Variants in PLXDC1 observed in about 807,000 individuals in gnomAD.
PLXDC1 encodes plexin domain containing 1.
Under a neutral mutation model 61.3 loss-of-function variants are expected in PLXDC1, and 39 were observed. That is an observed-to-expected ratio of 0.64 (90% CI 0.49 to 0.83). The LOEUF is 0.83. Among genes scored for constraint, PLXDC1 ranks in the 40% least tolerant of loss-of-function variants. The pLI is 0.00. For missense variants in PLXDC1, 596 were observed against 666.5 expected (o/e 0.89, Z 1.17); for synonymous variants, 212 against 254.5 (o/e 0.83, Z 1.59).
At chr17:39,144,023 A>G (rs1261403514) in intron 1 of PLXDC1, among the ~76,000 whole-genome samples, 1 of 152,206 alleles carries the variant, frequency 6.6e-6, no homozygotes, top group Admixed American at 6.5e-5. Context: ...CGGGTAGTGA[A>G]CAAGTGGAGG....
intron 2 of PLXDC1, among the ~76,000 whole-genome samples, chr17:39,121,824 T>A (rs1167678395): frequency 6.6e-6 from 1 of 152,096 alleles, no homozygotes. Context: ...GTAATAAGAA[T>A]GGGTGACCGG....
At chr17:39,098,426 G>A (rs552700167) in intron 7 of PLXDC1, among the ~76,000 whole-genome samples, 6 of 152,142 alleles carry the variant, frequency 3.9e-5, no homozygotes, top group South Asian at 2.1e-4. Context: ...TCCCTTCAGC[G>A]GTGCCCTAAC....
At chr17:39,110,722 G>A (rs763832073) in intron 2 of PLXDC1, among the ~76,000 whole-genome samples, 21 of 152,230 alleles carry the variant, frequency 1.4e-4, no homozygotes, top group South Asian at 2.1e-4. Flanking sequence ...CTGCCCAGCC[G>A]GCCCTTGCCC....
chr17:39,109,197 GC>G, intron 3 of PLXDC1, 50 bp downstream of exon 3: 3 of 1,569,164 alleles, frequency 1.9e-6, no homozygotes, highest in Admixed American at 1.8e-5. Flanking sequence ...GGGTGGTTTG[GC>G]CCCCGGCCTC....
At chr17:39,075,528 C>T (rs1909293597) in intron 11 of PLXDC1, among the ~76,000 whole-genome samples, 1 of 152,158 alleles carries the variant, frequency 6.6e-6, no homozygotes, top group Admixed American at 6.6e-5. Flanking sequence ...GGCTGTGTGA[C>T]CTTGGGAAAG....
At chr17:39,070,757 C>T (rs559422996) in intron 12 of PLXDC1, among the ~76,000 whole-genome samples, 75 of 152,304 alleles carry the variant, frequency 4.9e-4, no homozygotes, top group African/African-American at 1.8e-3. Flanking sequence ...GCAGGCAGGT[C>T]ACCTGAGGTC....
chr17:39,115,026 T>A (rs115715278), intron 2 of PLXDC1, among the ~76,000 whole-genome samples: 3,885 of 152,298 alleles, frequency 0.026, 164 homozygotes, highest in African/African-American at 0.089. Context: ...GAATGCATCT[T>A]CCTGGCCCGT....
At chr17:39,106,658 T>C (rs200834055) in intron 6 of PLXDC1, among the ~76,000 whole-genome samples, 3 of 147,724 alleles carry the variant, frequency 2.0e-5, no homozygotes, top group East Asian at 2.0e-4. Flanking sequence ...CTTTCTTTTT[T>C]TTTTTTTTTG....
In PLXDC1 at chr17:39,069,869, A is replaced by G; in HGVS notation, c.1370T>C (p.Leu457Pro). ...GATGACACGGACCTCGATGAAGAAGAGCGCAGCATTGGATGTGGGGTGGCC... is the reference window on the plus strand; with the variant it reads ...GATGACACGGACCTCGATGAAGAAGGGCGCAGCATTGGATGTGGGGTGGCC... Reference protein sequence around the residue: ...INGHPTSNAALFFIERRPHHW... With the variant: ...INGHPTSNAAPFFIERRPHHW... The change falls in exon 13 of 14, where the codon CTC (leucine) becomes CCC (proline). Residue 457 changes from leucine to proline, a missense_variant. Transcript: ENST00000315392. 1 of 1,613,882 alleles carries G rather than the reference A, an allele frequency of 6.2e-7. No homozygotes were observed. The highest frequency in any genetic ancestry group is 8.5e-7 in the Non-Finnish European group (1 of 1,179,838).
Position 39,063,387 on chromosome 17 carries a change from A to G in PLXDC1, c.*4453T>C, listed in dbSNP as rs1045678080. On this transcript the variant is annotated 3_prime_UTR_variant, in exon 14 of 14. Coordinates refer to ENST00000315392, the MANE Select transcript of PLXDC1 (RefSeq NM_020405.5). ...GGGGTTTACTTCCAGGGATTTACAG[A>G]CCAATATAAGTAAACAGCTGGGGTT... 8 of 690,852 alleles carry G rather than the reference A, an allele frequency of 1.2e-5. No individual in the cohort carries two copies. The allele number at this position is 690,852 out of a possible 1,614,324, so 42.8% of individuals were successfully genotyped here.
intron 7 of PLXDC1, among the ~76,000 whole-genome samples, chr17:39,088,623 G>A (rs1398921568): frequency 6.6e-6 from 1 of 152,084 alleles, no homozygotes; most frequent in Non-Finnish European, 1.5e-5. Flanking sequence ...CATGACTTGG[G>A]GTTGGTTTTC....
chr17:39,141,299 C>A (rs1911926894), intron 1 of PLXDC1, among the ~76,000 whole-genome samples: 1 of 152,206 alleles, frequency 6.6e-6, no homozygotes, highest in African/African-American at 2.4e-5. Context: ...TCCCAAGGTG[C>A]TGGGATTACA....
At chr17:39,082,118 C>T (rs1228004230) in intron 9 of PLXDC1, among the ~76,000 whole-genome samples, 1 of 152,172 alleles carries the variant, frequency 6.6e-6, no homozygotes, top group Non-Finnish European at 1.5e-5. Context: ...CACACCCCAT[C>T]CCCTCTGGGC....
chr17:39,091,902 T>C (rs1294419440), intron 7 of PLXDC1, among the ~76,000 whole-genome samples: 4 of 141,424 alleles, frequency 2.8e-5, no homozygotes, highest in Middle Eastern at 3.8e-3. Flanking sequence ...GAGGCTGCAG[T>C]GAGCTGAGAC....
rs146149442 is a variant in PLXDC1 at position 39,109,343 on chromosome 17, G to T, written c.304C>A (p.Pro102Thr). The T allele has an allele frequency of 1.9e-6, 3 of 1,608,310 alleles. No homozygotes were observed. Among genetic ancestry groups the T allele is most frequent in the Non-Finnish European group, 1.7e-6 (2 of 1,178,010 alleles). ...YVSRLYGPSE[P>T]HSRELWVDVA... ...TCTACCCACAGTTCCCGGCTGTGGG[G>T]CTCGCTGGGGCCATAGAGACGGGAC... The change falls in exon 3 of 14, where the codon CCC (proline) becomes ACC (threonine). Residue 102 changes from proline (P) to threonine (T), a missense_variant. Pro to Thr is a conservative substitution (Grantham distance 38, BLOSUM62 -1). Coordinates refer to ENST00000315392, the MANE Select transcript of PLXDC1 (RefSeq NM_020405.5).
chr17:39,072,717 G>A (rs915246261), intron 11 of PLXDC1: 27 of 558,818 alleles, frequency 4.8e-5, no homozygotes, highest in Non-Finnish European at 7.8e-5. Flanking sequence ...GTGGAGGGCC[G>A]GCTGCCTGGA....
intron 2 of PLXDC1, among the ~76,000 whole-genome samples, chr17:39,134,653 C>T (rs77724175): frequency 6.7e-6 from 1 of 149,980 alleles, no homozygotes; most frequent in Admixed American, 6.6e-5. Context: ...AAAGAAAAAA[C>T]AAAGAAAAGA....
intron 2 of PLXDC1, among the ~76,000 whole-genome samples, chr17:39,128,241 G>C (rs1911417646): frequency 1.3e-5 from 2 of 149,792 alleles, no homozygotes; most frequent in Admixed American, 1.3e-4. Context: ...TTTTGAGACA[G>C]AGTTTCACTC....
chr17:39,146,654 T>TA (rs200040657), intron 1 of PLXDC1, among the ~76,000 whole-genome samples: 4 of 150,624 alleles, frequency 2.7e-5, no homozygotes, highest in East Asian at 2.0e-4. Context: ...TTTTTTATAA[T>TA]AAAAAAAGGT....
Sources: gnomAD v4.1 joint callset for allele counts (sites outside exome capture counted in the v4.1 genomes callset) on GRCh38, gnomAD v4.1.1 for gene constraint, MANE v1.5 for transcripts, NCBI Gene and HGNC (gene_info 2026-07-23, HGNC 2026-07-21) for gene names.